Variants in PDE8A observed in about 807,000 individuals in gnomAD.
The protein encoded by PDE8A is high affinity cAMP-specific and IBMX-insensitive 3',5'-cyclic phosphodiesterase 8A.
A neutral mutation model predicts 105.0 loss-of-function variants in PDE8A; 59 were observed. The observed-to-expected ratio is 0.56, with a 90% confidence interval of 0.46 to 0.70. The LOEUF (loss-of-function observed/expected upper bound fraction) is 0.70, where lower values mean the gene tolerates loss of function less well. Among genes scored for constraint, PDE8A ranks in the 30% least tolerant of loss-of-function variants. The pLI is 0.00. For missense variants in PDE8A, 1,014 were observed against 1,045.9 expected (o/e 0.97, Z 0.42); for synonymous variants, 355 against 371.9 (o/e 0.95, Z 0.52).
chr15:84,994,618 C>T (rs2079945170), intron 1 of PDE8A, among the ~76,000 whole-genome samples: 2 of 152,194 alleles, frequency 1.3e-5, no homozygotes, highest in Non-Finnish European at 1.5e-5. Flanking sequence ...CACATATATC[C>T]ATGTATCCAT....
Position 85,100,011 on chromosome 15 carries a change from G to A in PDE8A, c.942-4G>A. 1 of 1,604,924 alleles carries A rather than the reference G, an allele frequency of 6.2e-7. No homozygotes were observed. The highest frequency in any genetic ancestry group is 2.2e-5 in the East Asian group (1 of 44,806). On this transcript the variant is annotated splice_region_variant and splice_polypyrimidine_tract_variant and intron_variant, in intron 9 of 21. Coordinates refer to ENST00000394553, the MANE Select transcript of PDE8A (RefSeq NM_002605.3). ...AGAAATAATGCATTGTTTTTTACTT[G>A]CAGAAAAATTAGACACTATGTGTCC...
At chr15:85,021,448 G>A (rs1418365429) in intron 1 of PDE8A, among the ~76,000 whole-genome samples, 1 of 151,938 alleles carries the variant, frequency 6.6e-6, no homozygotes, top group Non-Finnish European at 1.5e-5. Context: ...GTTGGGGGTG[G>A]TGGTAGTGCA....
At chr15:85,057,184 G>A (rs2081073314) in intron 1 of PDE8A, among the ~76,000 whole-genome samples, 1 of 152,134 alleles carries the variant, frequency 6.6e-6, no homozygotes, top group Admixed American at 6.5e-5. Context: ...TCGTCTCAGA[G>A]GTGCACCCAG....
chr15:85,116,315 A>G, intron 16 of PDE8A, 196 bp downstream of exon 16: 1 of 555,054 alleles, frequency 1.8e-6, no homozygotes, highest in Non-Finnish European at 3.2e-6. Flanking sequence ...GTGATGGCAC[A>G]TTCATGGAAA....
chr15:84,996,026 T>G (rs1410686222), intron 1 of PDE8A, among the ~76,000 whole-genome samples: 1 of 152,210 alleles, frequency 6.6e-6, no homozygotes, highest in African/African-American at 2.4e-5. Flanking sequence ...TTTTCATGTT[T>G]GTTGCCTATA....
intron 1 of PDE8A, among the ~76,000 whole-genome samples, chr15:85,029,439 T>C (rs895544448): frequency 6.6e-6 from 1 of 151,362 alleles, no homozygotes; most frequent in African/African-American, 2.4e-5. Context: ...TTAATGACTT[T>C]ATTTAAACTT....
At chr15:85,090,050 C>G (rs999635527) in intron 7 of PDE8A, among the ~76,000 whole-genome samples, 1 of 152,214 alleles carries the variant, frequency 6.6e-6, no homozygotes, top group African/African-American at 2.4e-5. Flanking sequence ...CTTCTGGGCT[C>G]TCCAGTCTTT....
chr15:85,063,375 A>G (rs777399840), intron 1 of PDE8A: 8 of 152,166 alleles, frequency 5.3e-5, no homozygotes, highest in Non-Finnish European at 7.3e-5. Context: ...AGAGGCCCAG[A>G]TTGGGATCTC....
chr15:85,077,130 A>T (rs1214678912), intron 5 of PDE8A, among the ~76,000 whole-genome samples: 1 of 152,232 alleles, frequency 6.6e-6, no homozygotes, highest in African/African-American at 2.4e-5. Flanking sequence ...TGCTAAGGTC[A>T]TCTAAACATA....
At chr15:85,135,457 G>A (rs991732729) in intron 20 of PDE8A, among the ~76,000 whole-genome samples, 4 of 151,908 alleles carry the variant, frequency 2.6e-5, no homozygotes, top group Non-Finnish European at 2.9e-5. Context: ...CCCTTCACCC[G>A]GCCCCACACA....
intron 1 of PDE8A, among the ~76,000 whole-genome samples, chr15:85,034,774 C>G (rs2080675572): frequency 6.6e-6 from 1 of 152,174 alleles, no homozygotes; most frequent in Non-Finnish European, 1.5e-5. Context: ...TCTTGAACTC[C>G]TCCTGGGTTC....
intron 8 of PDE8A, among the ~76,000 whole-genome samples, chr15:85,093,923 G>A (rs1326430630): frequency 6.6e-6 from 1 of 151,686 alleles, no homozygotes; most frequent in Non-Finnish European, 1.5e-5. Context: ...GCGGTGGCAC[G>A]ATCTTGGCTC....
intron 3 of PDE8A, among the ~76,000 whole-genome samples, chr15:85,069,122 C>A (rs540890896): frequency 1.3e-5 from 2 of 152,176 alleles, no homozygotes; most frequent in African/African-American, 2.4e-5. Context: ...AGTAATGTTA[C>A]GTGCTCAGTT....
Position 85,116,060 on chromosome 15 carries a change from G to A in PDE8A, c.1476G>A (p.Met492Ile). The change falls in exon 16 of 22, where the codon ATG becomes ATA. Residue 492 changes from methionine (M) to isoleucine (I), a missense_variant. By Grantham distance (10) the Met-to-Ile change is conservative. Transcript: ENST00000394553. ...TCCCACCACGGATAGCTCGGGCCAT[G>A]GAAAATGAGGAATACTGGGACTTTG... ...DDVPPRIARA[M>I]ENEEYWDFDI... 2 of 1,613,990 alleles carry A rather than the reference G, an allele frequency of 1.2e-6. No individual in the cohort carries two copies. The highest frequency in any genetic ancestry group is 1.7e-6 in the Non-Finnish European group (2 of 1,179,862).
intron 16 of PDE8A, among the ~76,000 whole-genome samples, chr15:85,116,735 T>C (rs2082102563): frequency 6.6e-6 from 1 of 152,216 alleles, no homozygotes; most frequent in African/African-American, 2.4e-5. Context: ...GTGTGCTCGG[T>C]TGGGCCATGG....
At chr15:85,014,813 C>T (rs1333674080) in intron 1 of PDE8A, among the ~76,000 whole-genome samples, 1 of 152,102 alleles carries the variant, frequency 6.6e-6, no homozygotes, top group East Asian at 1.9e-4. Flanking sequence ...ATAAAGTAGA[C>T]AATTCATTGG....
rs761556175 is a variant in PDE8A at position 85,047,503 on chromosome 15, C to A, written c.187-16867C>A. ...GACAGGATGTAAGGTTAAATGCAATCTAGTTAAGTAAATAAAGTAAGCGTT... is the reference window on the plus strand; with the variant it reads ...GACAGGATGTAAGGTTAAATGCAATATAGTTAAGTAAATAAAGTAAGCGTT... On this transcript the variant is annotated intron_variant, in intron 1 of 21. Transcript: ENST00000394553. Among the ~76,000 whole-genome samples, 26 of 152,152 alleles carry A rather than the reference C, an allele frequency of 1.7e-4. 1 individual carries two copies. The highest frequency in any genetic ancestry group is 2.9e-5 in the Non-Finnish European group (2 of 68,032).
rs1209591412 is a variant in PDE8A at position 85,136,525 on chromosome 15, G to A, written c.2254-9G>A. On this transcript the variant is annotated splice_polypyrimidine_tract_variant and intron_variant, in intron 20 of 21. Coordinates refer to ENST00000394553, the MANE Select transcript of PDE8A (RefSeq NM_002605.3). ...TTGGGGTCTCCTGATCACATTTTCT[G>A]CTTTACAGACTGATGAAGAGAAGCA... is the stretch of plus-strand genomic sequence containing the variant. 9.9e-6 allele frequency: 16 copies of A among 1,611,368 alleles called. No individual in the cohort carries two copies. Among genetic ancestry groups the A allele is most frequent in the Non-Finnish European group, 1.4e-5 (16 of 1,178,932 alleles).
Position 84,982,273 on chromosome 15 carries a change from G to T in PDE8A, c.111G>T (p.Gln37His). ...GCGGGCCGCGCCTCCCGCAGGGCCA[G>T]AAGACGGCCGCCTTGCCCCGGACCC... The part of the protein sequence containing the change: ...SSGGPRLPQG[Q>H]KTAALPRTRG... The change falls in exon 1 of 22, where the codon CAG becomes CAT. Residue 37 changes from glutamine (Q) to histidine (H), a missense_variant. Transcript: ENST00000394553. The T allele has an allele frequency of 6.3e-6, 9 of 1,437,258 alleles. No homozygotes were observed. Among genetic ancestry groups the T allele is most frequent in the Non-Finnish European group, 8.2e-6 (9 of 1,103,516 alleles). The allele number at this position is 1,437,258 out of a possible 1,614,324, so 89.0% of individuals were successfully genotyped here.
Sources: gnomAD v4.1 joint callset for allele counts (sites outside exome capture counted in the v4.1 genomes callset) on GRCh38, gnomAD v4.1.1 for gene constraint, MANE v1.5 for transcripts, NCBI Gene and HGNC (gene_info 2026-07-23, HGNC 2026-07-21) for gene names.